Variants in NT5E observed in about 807,000 individuals in gnomAD.
The protein encoded by NT5E is 5'-nucleotidase ecto, also known as 5'-nucleotidase.
In NT5E, 53 loss-of-function variants were observed where a neutral mutation model predicts 55.1. The observed-to-expected ratio is 0.96, with a 90% CI of 0.77 to 1.21. The LOEUF (loss-of-function observed/expected upper bound fraction) is 1.21, where lower values mean the gene tolerates loss of function less well. NT5E is among the 50% of genes most tolerant of loss of function. NT5E has a pLI of 0.00. For synonymous variants in NT5E, 270 were observed against 278.4 expected, an observed-to-expected ratio of 0.97 and a Z score of 0.30; for missense variants, 683 against 724.3, an observed-to-expected ratio of 0.94 and a Z score of 0.65.
chr6:85,467,436 C>T (rs990775823), intron 2 of NT5E, among the ~76,000 whole-genome samples, 154 bp downstream of exon 2: 5 of 152,198 alleles, frequency 3.3e-5, no homozygotes, highest in Admixed American at 6.5e-5. Flanking sequence ...AAATTCTATG[C>T]TGTTGTTCCA....
chr6:85,493,754 C>A (rs763346703), intron 8 of NT5E, 87 bp from the exon 9 acceptor site: 1 of 1,150,272 alleles, frequency 8.7e-7, no homozygotes, highest in Non-Finnish European at 1.3e-6. Context: ...TATGAAATTG[C>A]TTCCCTTTTA....
chr6:85,495,721 T>A lies in NT5E; in HGVS notation c.*1717T>A, dbSNP rs1032906857. On this transcript the variant is annotated 3_prime_UTR_variant, in exon 9 of 9. Transcript: ENST00000257770. ...TCTGTGTGTGTATTGTGAAGTGGTA[T>A]AAGAAATGACTTTGAACCACTTTGC... 4 of 152,208 alleles carry A rather than the reference T, an allele frequency of 2.6e-5. No individual in the cohort carries two copies. The highest frequency in any genetic ancestry group is 6.5e-5 in the Admixed American group (1 of 15,280). 9.4% of individuals were successfully genotyped at this position (152,208 alleles called of 1,614,324 possible). A position where few individuals can be genotyped will look rare whatever the true frequency, so the allele number is the denominator to read the frequency against.
chr6:85,485,266 G>C lies in NT5E; in HGVS notation c.783G>C (p.Gly261=). 6.2e-7 allele frequency: 1 copy of C among 1,614,182 alleles called. No homozygotes were observed. Among genetic ancestry groups the C allele is most frequent in the South Asian group, 1.1e-5 (1 of 91,088 alleles). Residue 261 remains glycine, a synonymous_variant, in exon 4 of 9, where the codon GGG becomes GGC. Transcript: ENST00000257770. ...CACCTTCCAAAGAGGTGCCTGCTGG[G>C]AAGTACCCATTCATAGTCACTTCTG... ...GNPPSKEVPA[G]KYPFIVTSDD...
At chr6:85,492,238 C>A (rs921986204) in intron 8 of NT5E, 61 bp downstream of exon 8, 2 of 1,518,082 alleles carry the variant, frequency 1.3e-6, no homozygotes, top group East Asian at 2.3e-5. Flanking sequence ...AGAAGGGGAG[C>A]TACTAGTGGT....
chr6:85,469,287 A>AT (rs898859230), intron 2 of NT5E, among the ~76,000 whole-genome samples: 18 of 151,818 alleles, frequency 1.2e-4, no homozygotes, highest in Non-Finnish European at 1.9e-4. Flanking sequence ...ATTTCTCTGA[A>AT]TTTTTTTTCC....
intron 4 of NT5E, 40 bp downstream of exon 4, chr6:85,485,472 T>G (rs1022014886): frequency 1.3e-6 from 2 of 1,591,196 alleles, no homozygotes; most frequent in African/African-American, 1.3e-5. Context: ...AATCTAAAAT[T>G]TAGATGGCTG....
At chr6:85,490,272 G>A (rs1368383768) in intron 6 of NT5E, among the ~76,000 whole-genome samples, 1 of 152,206 alleles carries the variant, frequency 6.6e-6, no homozygotes, top group Non-Finnish European at 1.5e-5. Flanking sequence ...GTGAACTTCT[G>A]AGGCACAGCC....
intron 3 of NT5E, among the ~76,000 whole-genome samples, chr6:85,479,339 C>T (rs1055782619): frequency 3.3e-5 from 5 of 152,098 alleles, no homozygotes; most frequent in African/African-American, 4.8e-5. Flanking sequence ...TATATGTTTC[C>T]CCCAGGCCAA....
intron 3 of NT5E, among the ~76,000 whole-genome samples, chr6:85,479,707 G>A (rs958584953): frequency 6.6e-6 from 1 of 152,088 alleles, no homozygotes; most frequent in African/African-American, 2.4e-5. Flanking sequence ...AAGAACACCA[G>A]TAATGGAACT....
chr6:85,475,348 G>A (rs955250050), intron 3 of NT5E, among the ~76,000 whole-genome samples: 1 of 152,112 alleles, frequency 6.6e-6, no homozygotes, highest in Non-Finnish European at 1.5e-5. Context: ...TTCAAATAAG[G>A]CATGACTAAA....
At chr6:85,455,878 G>A (rs142913871) in intron 1 of NT5E, among the ~76,000 whole-genome samples, 1 of 152,340 alleles carries the variant, frequency 6.6e-6, no homozygotes, top group Non-Finnish European at 1.5e-5. Flanking sequence ...AGTATTCTGT[G>A]TTCAGTGTGA....
chr6:85,484,474 A>T (rs1314720790), intron 3 of NT5E, among the ~76,000 whole-genome samples: 1 of 152,160 alleles, frequency 6.6e-6, no homozygotes, highest in African/African-American at 2.4e-5. Context: ...AGCAGCTCCC[A>T]CATCTCCCCT....
rs112428058 is a variant in NT5E, at chr6:85,485,557, T to A, written c.949+125T>A. The A allele has an allele frequency of 9.4e-5, 94 of 1,004,288 alleles. 1 individual carries two copies. The highest frequency in any genetic ancestry group is 6.2e-4 in the Admixed American group (32 of 51,380). 62.2% of individuals were successfully genotyped at this position (1,004,288 alleles called of 1,614,324 possible). On this transcript the variant is annotated intron_variant, in intron 4 of 8. Transcript: ENST00000257770. ...TATAATACTGTTGAAGAATTTAGTTTCTTCCTTGAGTTTGCCCTCTTCATG... is the reference window on the plus strand; with the variant it reads ...TATAATACTGTTGAAGAATTTAGTTACTTCCTTGAGTTTGCCCTCTTCATG...
intron 4 of NT5E, among the ~76,000 whole-genome samples, chr6:85,485,719 G>T (rs1769640111): frequency 6.6e-6 from 1 of 152,202 alleles, no homozygotes; most frequent in South Asian, 2.1e-4. Context: ...CTCTCAGCTT[G>T]TGTTTACAGG....
rs753264245 is a variant in NT5E at position 85,485,306 on chromosome 6, G to A, written c.823G>A (p.Val275Ile). Reference sequence around the variant, plus strand: ...AGTCACTTCTGATGATGGGCGGAAGGTTCCTGTAGTCCAGGCCTATGCTTT... The same window carrying A: ...AGTCACTTCTGATGATGGGCGGAAGATTCCTGTAGTCCAGGCCTATGCTTT... The part of the protein sequence containing the change: ...FIVTSDDGRK[V>I]PVVQAYAFGK... Residue 275 changes from valine (V) to isoleucine (I), a missense_variant, in exon 4 of 9, where the codon GTT (valine) becomes ATT (isoleucine). Physicochemically the swap from Val to Ile is conservative, Grantham distance 29. Coordinates refer to ENST00000257770, the MANE Select transcript of NT5E (RefSeq NM_002526.4). The A allele has an allele frequency of 1.2e-6, 2 of 1,614,176 alleles. No homozygotes were observed. The highest frequency in any genetic ancestry group is 3.3e-5 in the Admixed American group (2 of 60,028).
Position 85,450,212 on chromosome 6 carries a change from G to A in NT5E, c.73G>A (p.Gly25Ser). ...GGGCGCGGTGCTGTGGCCTGCGGCT[G>A]GCGCCTGGGAGCTTACGATTTTGCA... Reference protein sequence around the residue: ...ALGAVLWPAAGAWELTILHTN... With the variant: ...ALGAVLWPAASAWELTILHTN... The change falls in exon 1 of 9, where the codon GGC becomes AGC. Residue 25 changes from glycine (G) to serine (S), a missense_variant. Physicochemically the swap from Gly to Ser is moderately conservative, Grantham distance 56 (BLOSUM62 0). Coordinates refer to ENST00000257770, the MANE Select transcript of NT5E (RefSeq NM_002526.4). This position sits in a 1 kb window ranked among gnomAD's most constrained non-coding sequence, Gnocchi z 4.0. The A allele has an allele frequency of 1.9e-6, 3 of 1,608,946 alleles. No individual in the cohort carries two copies. Among genetic ancestry groups the A allele is most frequent in the Non-Finnish European group, 2.5e-6 (3 of 1,178,866 alleles).
At chr6:85,454,744 T>TGC (rs1768954575) in intron 1 of NT5E, among the ~76,000 whole-genome samples, 2 of 152,346 alleles carry the variant, frequency 1.3e-5, no homozygotes, top group African/African-American at 4.8e-5. Flanking sequence ...CTTATCACCT[T>TGC]TAACACTCCT....
intron 4 of NT5E, among the ~76,000 whole-genome samples, chr6:85,486,491 C>G (rs1346270024): frequency 1.3e-5 from 2 of 152,010 alleles, no homozygotes; most frequent in Admixed American, 6.5e-5. Flanking sequence ...ATGGACAGGC[C>G]CCCCCCATGC....
chr6:85,465,322 A>T (rs1456417174), intron 1 of NT5E, among the ~76,000 whole-genome samples: 2 of 152,248 alleles, frequency 1.3e-5, no homozygotes, highest in African/African-American at 2.4e-5. Flanking sequence ...AACAAGTTGG[A>T]TAGTCTTTCT....
Sources: gnomAD v4.1 joint callset for allele counts (sites outside exome capture counted in the v4.1 genomes callset) on GRCh38, gnomAD v4.1.1 for gene constraint, Gnocchi (gnomAD v3.1) non-coding constraint, MANE v1.5 for transcripts, NCBI Gene and HGNC (gene_info 2026-07-23, HGNC 2026-07-21) for gene names.